Variants in CTH observed in about 807,000 individuals in gnomAD.
CTH encodes cystathionase (cystathionine gamma-lyase).
Under a neutral mutation model 50.6 loss-of-function variants are expected in CTH, and 41 were observed. That is an observed-to-expected ratio of 0.81 (90% CI 0.63 to 1.05). The LOEUF is 1.05. Among genes scored for constraint, CTH ranks in the 50% least tolerant of loss-of-function variants. CTH has a pLI of 0.00. For synonymous variants in CTH, 156 were observed against 168.9 expected (o/e 0.92, Z 0.59); for missense variants, 470 against 492.6 (o/e 0.95, Z 0.43).
chr1:70,431,664 G>A lies in CTH; in HGVS notation c.725-419G>A, dbSNP rs893517159. Among the ~76,000 whole-genome samples the A allele has an allele frequency of 2.0e-5, 3 of 152,260 alleles. No homozygotes were observed. In the East Asian group the frequency reaches 5.8e-4, roughly 29 times the overall value. On this transcript the variant is annotated intron_variant, in intron 7 of 11. Coordinates refer to ENST00000370938, the MANE Select transcript of CTH (RefSeq NM_001902.6). ...GGCATGTGAAATCATTGACCGCTTT[G>A]CACAAAGGCTAAATAGAATATTAGT...
chr1:70,434,746 A>ATTTT (rs35606808), intron 9 of CTH: 12 of 131,518 alleles, frequency 9.1e-5, no homozygotes, highest in South Asian at 2.2e-4. Flanking sequence ...AAATGCAATA[A>ATTTT]TTTTTTTTTT....
chr1:70,413,563 T>C (rs532409045), intron 1 of CTH, among the ~76,000 whole-genome samples: 5 of 149,608 alleles, frequency 3.3e-5, no homozygotes, highest in Admixed American at 2.0e-4. Flanking sequence ...GGCGCCCGGC[T>C]CACAGCCTCT....
intron 9 of CTH, 94 bp from the exon 10 acceptor site, chr1:70,435,031 A>AT: frequency 8.4e-7 from 1 of 1,190,958 alleles, no homozygotes; most frequent in South Asian, 1.3e-5. Flanking sequence ...GATTACAGGC[A>AT]TGAGCCACTG....
intron 1 of CTH, 40 bp downstream of exon 1, chr1:70,411,623 T>TA (rs1683967292): frequency 1.9e-6 from 3 of 1,595,780 alleles, no homozygotes; most frequent in Non-Finnish European, 1.7e-6. Context: ...AGTTGGGCGG[T>TA]AAAAGAGATA....
rs1024550032 is a variant in CTH at position 70,439,828 on chromosome 1, T to TC, written c.*704dup. 6.6e-6 allele frequency: 1 copy of TC among 152,054 alleles called. No individual in the cohort carries two copies. 9.4% of individuals were successfully genotyped at this position (152,054 alleles called of 1,614,324 possible). ...CGGACGTGGTGGCGGGTGCCTGTAG[T>TC]CCCAGCTACTTGGGAGGCTGAGGCA... On this transcript the variant is annotated 3_prime_UTR_variant, in exon 12 of 12. Coordinates refer to ENST00000370938, the MANE Select transcript of CTH (RefSeq NM_001902.6).
Position 70,421,637 on chromosome 1 carries a change from A to C in CTH, c.418A>C (p.Ile140Leu), listed in dbSNP as rs749499760. Residue 140 changes from isoleucine to leucine, a missense_variant, in exon 4 of 12, where the codon ATC becomes CTC. Physicochemically the swap from Ile to Leu is conservative, Grantham distance 5. Transcript: ENST00000370938. The stretch of plus-strand genomic sequence containing the variant: ...GATTTCTTTTGTTGATTGTTCCAAA[A>C]TCAAATTACTAGAGGCAGCAATTAC... ...LKISFVDCSK[I>L]KLLEAAITPE... The C allele has an allele frequency of 2.5e-6, 4 of 1,613,842 alleles. No homozygotes were observed. Among genetic ancestry groups the C allele is most frequent in the Non-Finnish European group, 3.4e-6 (4 of 1,179,912 alleles).
intron 3 of CTH, 149 bp downstream of exon 3, chr1:70,418,181 T>C: frequency 1.1e-6 from 1 of 924,324 alleles, no homozygotes; most frequent in Middle Eastern, 3.1e-4. Flanking sequence ...TCTCTCAGAC[T>C]TGGGAAAAGA....
chr1:70,420,030 G>T, intron 3 of CTH, among the ~76,000 whole-genome samples: 1 of 139,500 alleles, frequency 7.2e-6, no homozygotes, highest in South Asian at 2.2e-4. Context: ...GTCTTGCTCT[G>T]TTGCCAGGCT....
At chr1:70,433,705 C>T in intron 8 of CTH, 123 bp from the exon 9 acceptor site, 1 of 1,445,358 alleles carries the variant, frequency 6.9e-7, no homozygotes, top group Non-Finnish European at 9.4e-7. Context: ...CAGATGTGAG[C>T]ATGGCATAAT....
chr1:70,428,109 T>C (rs1684387909), intron 5 of CTH, among the ~76,000 whole-genome samples: 1 of 152,042 alleles, frequency 6.6e-6, no homozygotes, highest in Non-Finnish European at 1.5e-5. Flanking sequence ...GACATTATGT[T>C]AAGTGAAATA....
chr1:70,415,103 T>G (rs1684062423), intron 1 of CTH, among the ~76,000 whole-genome samples: 1 of 152,190 alleles, frequency 6.6e-6, no homozygotes, highest in Non-Finnish European at 1.5e-5. Context: ...TGTTGTATGC[T>G]AAATAGAACT....
chr1:70,435,414 A>G (rs1363551074), intron 10 of CTH, among the ~76,000 whole-genome samples: 2 of 152,070 alleles, frequency 1.3e-5, no homozygotes, highest in African/African-American at 2.4e-5. Context: ...CTCTGTCAAA[A>G]AGAGATTCCA....
At chr1:70,418,984 C>T (rs1275885521) in intron 3 of CTH, among the ~76,000 whole-genome samples, 2 of 118,528 alleles carry the variant, frequency 1.7e-5, no homozygotes, top group African/African-American at 3.2e-5. Context: ...CTCCCCCCAC[C>T]CCACAACAGT....
At chr1:70,413,511 G>A (rs1684020147) in intron 1 of CTH, among the ~76,000 whole-genome samples, 1 of 150,894 alleles carries the variant, frequency 6.6e-6, no homozygotes, top group Non-Finnish European at 1.5e-5. Flanking sequence ...TGATTCACCC[G>A]CCTTGGCCTC....
At chr1:70,430,602 C>T (rs899880671) in intron 7 of CTH, among the ~76,000 whole-genome samples, 11 of 151,278 alleles carry the variant, frequency 7.3e-5, no homozygotes, top group African/African-American at 2.4e-4. Flanking sequence ...AGTGAAGTGG[C>T]GTGATCTCAG....
At chr1:70,423,572 T>TAAAA (rs11413197) in intron 4 of CTH, among the ~76,000 whole-genome samples, 1 of 147,040 alleles carries the variant, frequency 6.8e-6, no homozygotes, top group Admixed American at 6.8e-5. Context: ...CCCTGCTGCT[T>TAAAA]AAAAAAAAAA....
chr1:70,420,602 A>G (rs1380517042), intron 3 of CTH, among the ~76,000 whole-genome samples: 1 of 152,132 alleles, frequency 6.6e-6, no homozygotes, highest in Non-Finnish European at 1.5e-5. Flanking sequence ...ACAGGCCACA[A>G]ACCTGTACCT....
At chr1:70,414,964 A>G (rs1684058561) in intron 1 of CTH, among the ~76,000 whole-genome samples, 1 of 151,944 alleles carries the variant, frequency 6.6e-6, no homozygotes, top group African/African-American at 2.4e-5. Context: ...GGATTATAGG[A>G]ATGCAAATTT....
intron 1 of CTH, among the ~76,000 whole-genome samples, chr1:70,415,515 G>A (rs1684071419): frequency 6.6e-6 from 1 of 152,022 alleles, no homozygotes; most frequent in Non-Finnish European, 1.5e-5. Flanking sequence ...AATGTTTCCA[G>A]ATTAATGAAA....
Sources: gnomAD v4.1 joint callset for allele counts (sites outside exome capture counted in the v4.1 genomes callset) on GRCh38, gnomAD v4.1.1 for gene constraint, MANE v1.5 for transcripts, NCBI Gene and HGNC (gene_info 2026-07-23, HGNC 2026-07-21) for gene names.